Variants in STAG2 observed in about 807,000 individuals in gnomAD.
STAG2 encodes the protein STAG2 cohesin complex component.
Under a neutral mutation model 108.1 loss-of-function variants are expected in STAG2, and 14 were observed. That is an observed-to-expected ratio of 0.13 (90% CI 0.09 to 0.20). The LOEUF is 0.20. Among genes scored for constraint, STAG2 ranks in the 10% least tolerant of loss-of-function variants. The pLI, the probability that STAG2 is intolerant of heterozygous loss-of-function variation, is 1.00. For missense variants in STAG2, 440 were observed against 940.9 expected, an observed-to-expected ratio of 0.47 and a Z score of 6.96; for synonymous variants, 307 against 302.7, an observed-to-expected ratio of 1.01 and a Z score of -0.15.
chrX:124,046,894 A>G (rs1481618274), intron 8 of STAG2, among the ~76,000 whole-genome samples: 1 of 112,265 alleles, frequency 8.9e-6, no homozygotes, highest in Non-Finnish European at 1.9e-5. Context: ...ATGTAAAGCC[A>G]TCAAGTTCCT....
At chrX:123,986,117 CTATA>C (rs766736654) in intron 1 of STAG2, among the ~76,000 whole-genome samples, 15 of 103,611 alleles carry the variant, frequency 1.4e-4, no homozygotes, top group Admixed American at 7.6e-4. Flanking sequence ...ATGCATGTAT[CTATA>C]TATACATATA....
intron 1 of STAG2, among the ~76,000 whole-genome samples, chrX:124,012,040 A>G (rs947163064): frequency 8.9e-6 from 1 of 111,745 alleles, no homozygotes; most frequent in Non-Finnish European, 1.9e-5. Flanking sequence ...TCCTGCATCA[A>G]CTGAGATGAT....
chrX:123,971,201 A>C (rs757895513), intron 1 of STAG2, among the ~76,000 whole-genome samples: 8 of 112,114 alleles, frequency 7.1e-5, no homozygotes, highest in African/African-American at 2.6e-4. Flanking sequence ...AGGCCGAGGC[A>C]GGTGGACCAC....
intron 1 of STAG2, among the ~76,000 whole-genome samples, chrX:123,996,082 A>C (rs959975397): frequency 3.6e-5 from 4 of 112,275 alleles, no homozygotes; most frequent in Admixed American, 1.9e-4. Context: ...AGATCCGTAC[A>C]TACATTGCCG....
At chrX:123,982,953 A>G (rs1229757377) in intron 1 of STAG2, among the ~76,000 whole-genome samples, 1 of 111,150 alleles carries the variant, frequency 9.0e-6, no homozygotes, top group Non-Finnish European at 1.9e-5. Context: ...GCTCTTGGTA[A>G]CTGAAGTTAT....
intron 3 of STAG2, among the ~76,000 whole-genome samples, chrX:124,024,610 G>A (rs1406410615): frequency 9.0e-6 from 1 of 111,037 alleles, no homozygotes; most frequent in African/African-American, 3.3e-5. Context: ...TGTAAGTGCT[G>A]TATAAATAGT....
intron 1 of STAG2, among the ~76,000 whole-genome samples, chrX:123,976,683 T>C (rs1200464172): frequency 1.8e-5 from 2 of 112,197 alleles, no homozygotes; most frequent in Non-Finnish European, 3.8e-5. Context: ...TCTTACTATA[T>C]GACAAGTTGT....
intron 7 of STAG2, among the ~76,000 whole-genome samples, chrX:124,043,327 G>A (rs1346536596): frequency 2.8e-5 from 3 of 109,037 alleles, no homozygotes; most frequent in African/African-American, 1.0e-4. Context: ...CATGGTGGGG[G>A]GTGGTGGGCG....
intron 1 of STAG2, among the ~76,000 whole-genome samples, chrX:123,981,951 T>G (rs775861342): frequency 1.8e-5 from 2 of 111,475 alleles, no homozygotes; most frequent in Non-Finnish European, 3.8e-5. Context: ...AAACATCAAA[T>G]ACTTTTTCCC....
chrX:123,987,578 CTG>C (rs2055258682), intron 1 of STAG2, among the ~76,000 whole-genome samples: 4 of 112,052 alleles, frequency 3.6e-5, no homozygotes, highest in African/African-American at 9.7e-5. Context: ...CGATATCTCC[CTG>C]TGTTTCCCAG....
intron 1 of STAG2, among the ~76,000 whole-genome samples, chrX:123,966,549 C>T (rs1289498631): frequency 9.0e-6 from 1 of 110,955 alleles, no homozygotes; most frequent in African/African-American, 3.3e-5. Context: ...TGTAATAATT[C>T]TTTATGTTTC....
chrX:124,013,341 ACACACACG>A (rs1421962089), intron 1 of STAG2, among the ~76,000 whole-genome samples: 1 of 110,875 alleles, frequency 9.0e-6, no homozygotes, highest in Non-Finnish European at 1.9e-5. Flanking sequence ...ACACACACAC[ACACACACG>A]CACACCAGTC....
chrX:123,964,382 G>A (rs1332739337), intron 1 of STAG2, among the ~76,000 whole-genome samples: 6 of 111,598 alleles, frequency 5.4e-5, no homozygotes, highest in Non-Finnish European at 1.1e-4. Flanking sequence ...TTAATTCTTT[G>A]AAAACAGGAA....
chrX:124,028,820 ATATTTT>A lies in STAG2; in HGVS notation c.124-2139_124-2134del, dbSNP rs1294583564. On this transcript the variant is annotated intron_variant, in intron 4 of 34. Coordinates refer to ENST00000371145, the MANE Select transcript of STAG2 (RefSeq NM_001042750.2). ...TATATATATATATATATATATATAT[ATATTTT>A]TTTTTTTATAGAGATGGGGTCTCGC... Among the ~76,000 whole-genome samples the A allele has an allele frequency of 6.4e-3, 178 of 27,764 alleles. 1 individual carries two copies. The highest frequency in any genetic ancestry group is 0.019 in the African/African-American group (150 of 7,735). The allele number at this position is 27,764 out of a possible 115,157, so 24.1% of individuals were successfully genotyped here.
chrX:123,995,790 G>T (rs747184478), intron 1 of STAG2, among the ~76,000 whole-genome samples: 1 of 112,301 alleles, frequency 8.9e-6, no homozygotes, highest in Non-Finnish European at 1.9e-5. Flanking sequence ...AAATAGAGAA[G>T]TGCTTATTAA....
chrX:124,062,352 T>G lies in STAG2; in HGVS notation c.1638+478T>G, dbSNP rs773777109. ...TTGACTGTAAAGCATAAAAATTCAT[T>G]CTTATATTGTGACGTATTACACATG... On this transcript the variant is annotated intron_variant, in intron 17 of 34. Coordinates refer to ENST00000371145, the MANE Select transcript of STAG2 (RefSeq NM_001042750.2). 1.3e-3 allele frequency among the ~76,000 whole-genome samples: 145 copies of G among 112,457 alleles called. 2 individuals are homozygous for G. Among genetic ancestry groups the G allele is most frequent in the African/African-American group, 4.4e-3 (137 of 31,080 alleles).
chrX:124,009,004 A>G (rs1415354723), intron 1 of STAG2, among the ~76,000 whole-genome samples: 1 of 111,800 alleles, frequency 8.9e-6, no homozygotes, highest in Non-Finnish European at 1.9e-5. Context: ...ATAACTATGA[A>G]TCTAAGATAG....
intron 5 of STAG2, among the ~76,000 whole-genome samples, chrX:124,033,748 G>T (rs1161986899): frequency 8.9e-6 from 1 of 111,805 alleles, no homozygotes. Context: ...GGCAACAAGA[G>T]TGAAACCCTG....
At chrX:124,096,562 C>T (rs1048690174) in intron 34 of STAG2, among the ~76,000 whole-genome samples, 3 of 111,289 alleles carry the variant, frequency 2.7e-5, no homozygotes, top group African/African-American at 6.5e-5. Flanking sequence ...ATATTACATG[C>T]CCTGGTCCTT....
Sources: allele counts gnomAD v4.1 joint callset (sites outside exome capture counted in the v4.1 genomes callset), GRCh38; gene constraint gnomAD v4.1.1; transcripts MANE v1.5; gene names NCBI Gene and HGNC (gene_info 2026-07-23, HGNC 2026-07-21).